Variants in LOXL4 observed in about 807,000 individuals in gnomAD.
LOXL4 encodes lysyl oxidase like 4, also known as lysyl oxidase homolog 4.
A neutral mutation model predicts 89.1 loss-of-function variants in LOXL4; 72 were observed. That is an observed-to-expected ratio of 0.81 (90% CI 0.67 to 0.98). The LOEUF (loss-of-function observed/expected upper bound fraction) is 0.98, where lower values mean the gene tolerates loss of function less well. Among genes scored for constraint, LOXL4 ranks in the 50% least tolerant of loss-of-function variants. The probability of loss-of-function intolerance (pLI) is 0.00; values close to 1 mark genes in which losing one functional copy is unlikely to be tolerated. For synonymous variants in LOXL4, 355 were observed against 392.1 expected (o/e 0.91, Z 1.12); for missense variants, 984 against 1,017.5 (o/e 0.97, Z 0.45).
At chr10:98,258,664 C>T (rs1216694870) in intron 6 of LOXL4, among the ~76,000 whole-genome samples, 1 of 152,196 alleles carries the variant, frequency 6.6e-6, no homozygotes, top group Non-Finnish European at 1.5e-5. Flanking sequence ...GGCGTCTCTA[C>T]CACCTCATAA....
chr10:98,249,189 T>G (rs978345279), intron 14 of LOXL4, among the ~76,000 whole-genome samples, 198 bp from the exon 15 acceptor site: 1 of 152,192 alleles, frequency 6.6e-6, no homozygotes, highest in Non-Finnish European at 1.5e-5. Context: ...GGCTATTGAT[T>G]GGAAAGAGTT....
chr10:98,261,970 C>A, intron 3 of LOXL4, 65 bp downstream of exon 3: 1 of 1,488,894 alleles, frequency 6.7e-7, no homozygotes, highest in East Asian at 2.4e-5. Flanking sequence ...GGCCCGTCTT[C>A]TGGGAGGCTC....
chr10:98,253,515 C>T (rs1858263916), intron 11 of LOXL4, 38 bp downstream of exon 11: 1 of 1,613,056 alleles, frequency 6.2e-7, no homozygotes, highest in African/African-American at 1.3e-5. Context: ...GCTTTTTGTT[C>T]CTAACCCTCT....
rs1173008633 is a variant in LOXL4 at position 98,259,399 on chromosome 10, A to G, written c.693T>C (p.Pro231=). The part of the protein sequence containing the change: ...RKVWDLKMRD[P]KSRLKSLTNK... ...AGGGTGCTGCTCCTCACCTAGACTT[A>G]GGGTCCCTCATCTTCAGATCCCAGA... is the stretch of plus-strand genomic sequence containing the variant. Residue 231 remains proline, a synonymous_variant, in exon 5 of 15, where the codon CCT becomes CCC. Coordinates refer to ENST00000260702, the MANE Select transcript of LOXL4 (RefSeq NM_032211.7). 1.2e-6 allele frequency: 2 copies of G among 1,613,066 alleles called. No individual in the cohort carries two copies. Among genetic ancestry groups the G allele is most frequent in the East Asian group, 2.2e-5 (1 of 44,876 alleles).
rs1034357895 is a variant in LOXL4, at chr10:98,262,207, A to G, written c.284T>C (p.Ile95Thr). The G allele has an allele frequency of 6.2e-7, 1 of 1,613,506 alleles. No homozygotes were observed. The highest frequency in any genetic ancestry group is 1.7e-5 in the Admixed American group (1 of 60,006). The change falls in exon 3 of 15, where the codon ATC becomes ACC. Residue 95 changes from isoleucine to threonine, a missense_variant. Coordinates refer to ENST00000260702, the MANE Select transcript of LOXL4 (RefSeq NM_032211.7). ...CACACAGCGCACATTGTCCAGCCAG[A>G]TGGGTCCTGTGGAGTGGAGGTGATG... The part of the protein sequence containing the change: ...SAKYGQGEGP[I>T]WLDNVRCVGT...
chr10:98,253,629 G>T lies in LOXL4; in HGVS notation c.1759C>A (p.Gln587Lys), dbSNP rs1209812577. ...GYRRLLRFST[Q>K]IYNLGRTDFR... ...TCAGTCCGGCCCAGATTGTAGATCT[G>T]TGTGGAGAAGCGCAATAGGCGGCGG... Residue 587 changes from glutamine to lysine, a missense_variant, in exon 11 of 15, where the codon CAG becomes AAG. Transcript: ENST00000260702. 3 of 1,614,210 alleles carry T rather than the reference G, an allele frequency of 1.9e-6. No homozygotes were observed. Among genetic ancestry groups the T allele is most frequent in the Non-Finnish European group, 2.5e-6 (3 of 1,180,032 alleles).
At chr10:98,253,371 G>A (rs1411492644) in intron 11 of LOXL4, among the ~76,000 whole-genome samples, 182 bp downstream of exon 11, 1 of 152,268 alleles carries the variant, frequency 6.6e-6, no homozygotes, top group Non-Finnish European at 1.5e-5. Context: ...TAGTGAAGGC[G>A]AGAGCGATGG....
intron 14 of LOXL4, among the ~76,000 whole-genome samples, chr10:98,250,635 C>T (rs949936108): frequency 6.6e-6 from 1 of 152,166 alleles, no homozygotes; most frequent in African/African-American, 2.4e-5. Context: ...CCATGGTCCC[C>T]TTCTTGCAAG....
chr10:98,258,029 C>G lies in LOXL4; in HGVS notation c.1057G>C (p.Gly353Arg). Residue 353 changes from glycine to arginine, a missense_variant, in exon 7 of 15, where the codon GGC (glycine) becomes CGC (arginine). Transcript: ENST00000260702. ...AGGGCCTCCCGAGCAGAGCCAAAGC[C>G]CAGCTGACGACACACGACACTGGCA... is the stretch of plus-strand genomic sequence containing the variant. ...ISASVVCRQL[G>R]FGSAREALFG... 1.2e-6 allele frequency: 2 copies of G among 1,613,910 alleles called. No individual in the cohort carries two copies. Among genetic ancestry groups the G allele is most frequent in the Non-Finnish European group, 1.7e-6 (2 of 1,180,032 alleles).
chr10:98,261,170 C>T (rs773817022), intron 3 of LOXL4, 43 bp from the exon 4 acceptor site: 1 of 1,582,602 alleles, frequency 6.3e-7, no homozygotes, highest in Non-Finnish European at 8.6e-7. Context: ...GGCTCCTGCT[C>T]CTCCAGTGGA....
Position 98,251,123 on chromosome 10 carries a change from C to G in LOXL4, c.2142G>C (p.Met714Ile), listed in dbSNP as rs375946407. The G allele has an allele frequency of 6.8e-6, 11 of 1,614,144 alleles. No homozygotes were observed. The African/African-American group carries it at 1.1e-4, about 16-fold the overall frequency. Reference protein sequence around the residue: ...EVAESDFSNNMLQCRCKYDGH... With the variant: ...EVAESDFSNNILQCRCKYDGH... ...CATCATACTTGCAGCGGCACTGCAG[C>G]ATATTGTTGGAGAAATCTGACTCTG... Residue 714 changes from methionine (M) to isoleucine (I), a missense_variant, in exon 14 of 15, where the codon ATG becomes ATC. Transcript: ENST00000260702.
In LOXL4 at chr10:98,257,765, C is replaced by G; in HGVS notation, c.1145G>C (p.Gly382Ala). 2.5e-6 allele frequency: 4 copies of G among 1,614,040 alleles called. No homozygotes were observed. Among genetic ancestry groups the G allele is most frequent in the Non-Finnish European group, 3.4e-6 (4 of 1,179,962 alleles). ...PIHLSEVRCR[G>A]YERTLSDCPA... is the part of the protein sequence containing the mutation. Reference sequence around the variant, plus strand: ...GCAGTCGCTGAGGGTCCGCTCATATCCCCTGCAGCGCACCTCACTCAGGTG... The same window carrying G: ...GCAGTCGCTGAGGGTCCGCTCATATGCCCTGCAGCGCACCTCACTCAGGTG... The change falls in exon 8 of 15, where the codon GGA (glycine) becomes GCA (alanine). Residue 382 changes from glycine to alanine, a missense_variant. Transcript: ENST00000260702.
rs1342821713 is a variant in LOXL4, at chr10:98,252,392, T to G, written c.1912A>C (p.Lys638Gln). The change falls in exon 12 of 15, where the codon AAG becomes CAG. Residue 638 changes from lysine to glutamine, a missense_variant. Coordinates refer to ENST00000260702, the MANE Select transcript of LOXL4 (RefSeq NM_032211.7). ...GTGTCCTCCAGACAGAAGCTGGCCT[T>G]GTGCCCCTCAGCCACCTTGGAGCCA... ...LNGSKVAEGH[K>Q]ASFCLEDTNC... 2.2e-5 allele frequency: 35 copies of G among 1,614,030 alleles called. No individual in the cohort carries two copies. Among genetic ancestry groups the G allele is most frequent in the Non-Finnish European group, 2.9e-5 (34 of 1,180,008 alleles).
intron 10 of LOXL4, among the ~76,000 whole-genome samples, chr10:98,254,898 A>C (rs1260312492): frequency 5.3e-5 from 8 of 152,216 alleles, no homozygotes; most frequent in African/African-American, 9.6e-5. Context: ...ACAAAGATGA[A>C]GGATATCTTG....
intron 3 of LOXL4, among the ~76,000 whole-genome samples, chr10:98,261,814 A>G (rs1019334387): frequency 9.2e-5 from 14 of 152,206 alleles, no homozygotes; most frequent in African/African-American, 3.4e-4. Context: ...TGCGATTCCC[A>G]GTGGGGTCAG....
chr10:98,262,283 AC>A, intron 2 of LOXL4, 70 bp from the exon 3 acceptor site: 1 of 1,518,318 alleles, frequency 6.6e-7, no homozygotes, highest in Non-Finnish European at 9.0e-7. Flanking sequence ...CCTGCATAGG[AC>A]CCCACACTTA....
intron 4 of LOXL4, among the ~76,000 whole-genome samples, chr10:98,260,322 C>T (rs989729822): frequency 2.4e-4 from 37 of 152,122 alleles, no homozygotes; most frequent in African/African-American, 8.9e-4. Flanking sequence ...CAGAGGCCCT[C>T]CCCAAAGCCC....
intron 8 of LOXL4, among the ~76,000 whole-genome samples, chr10:98,257,189 C>G (rs192659248): frequency 1.6e-4 from 24 of 152,360 alleles, no homozygotes; most frequent in Admixed American, 1.5e-3. Flanking sequence ...TGCTCTGGCA[C>G]TTGCCCTCCA....
intron 1 of LOXL4, among the ~76,000 whole-genome samples, chr10:98,264,611 G>A (rs1858634450): frequency 6.6e-6 from 1 of 151,968 alleles, no homozygotes; most frequent in Non-Finnish European, 1.5e-5. Context: ...TCCTTAGAGA[G>A]GGGATGAGGC....
Sources: gnomAD v4.1 joint callset for allele counts (sites outside exome capture counted in the v4.1 genomes callset) on GRCh38, gnomAD v4.1.1 for gene constraint, MANE v1.5 for transcripts, NCBI Gene and HGNC (gene_info 2026-07-23, HGNC 2026-07-21) for gene names.